Variants in TAX1BP1 observed in about 807,000 individuals in gnomAD.
TAX1BP1 encodes Tax1 binding protein 1.
TAX1BP1 carries 62 observed loss-of-function variants against 97.7 expected under a neutral mutation model. The observed-to-expected ratio is 0.63, with a 90% confidence interval of 0.52 to 0.78. The LOEUF is 0.78. Among genes scored for constraint, TAX1BP1 ranks in the 30% least tolerant of loss-of-function variants. The pLI is 0.00. For synonymous variants in TAX1BP1, 340 were observed against 304.2 expected, an observed-to-expected ratio of 1.12 and a Z score of -1.23; for missense variants, 867 against 916.1, an observed-to-expected ratio of 0.95 and a Z score of 0.69.
At chr7:27,746,178 A>C (rs1419555891) in intron 1 of TAX1BP1, among the ~76,000 whole-genome samples, 1 of 152,188 alleles carries the variant, frequency 6.6e-6, no homozygotes, top group Non-Finnish European at 1.5e-5. Context: ...CTTTTGATTA[A>C]AAACATGGGA....
At chr7:27,790,163 AT>A (rs1001075866) in intron 8 of TAX1BP1, among the ~76,000 whole-genome samples, 2 of 152,062 alleles carry the variant, frequency 1.3e-5, no homozygotes, top group African/African-American at 2.4e-5. Context: ...GAATTTATAC[AT>A]TTTTTCCTTT....
intron 2 of TAX1BP1, among the ~76,000 whole-genome samples, chr7:27,756,303 G>A (rs1434464064): frequency 6.6e-6 from 1 of 152,034 alleles, no homozygotes; most frequent in African/African-American, 2.4e-5. Flanking sequence ...TATTTTTTAT[G>A]TATGCCCAAC....
intron 12 of TAX1BP1, among the ~76,000 whole-genome samples, chr7:27,797,052 C>T (rs192103023): frequency 6.6e-6 from 1 of 151,114 alleles, no homozygotes; most frequent in Non-Finnish European, 1.5e-5. Context: ...GGCTGGATTG[C>T]AGTGGCGTGA....
At chr7:27,765,315 G>A (rs1241517471) in intron 3 of TAX1BP1, among the ~76,000 whole-genome samples, 5 of 151,778 alleles carry the variant, frequency 3.3e-5, no homozygotes, top group Non-Finnish European at 5.9e-5. Flanking sequence ...CCACCGCACT[G>A]GGTCCTAAAG....
At chr7:27,817,357 T>TA (rs1790814316) in intron 15 of TAX1BP1, among the ~76,000 whole-genome samples, 1 of 152,348 alleles carries the variant, frequency 6.6e-6, no homozygotes, top group African/African-American at 2.4e-5. Context: ...CTAAGTAACT[T>TA]ACTATATTCT....
rs1263228985 is a variant in TAX1BP1, at chr7:27,817,398, A to T, written c.2085+360A>T. Among the ~76,000 whole-genome samples, 6 of 152,336 alleles carry T rather than the reference A, an allele frequency of 3.9e-5. No individual in the cohort carries two copies. In the East Asian group the frequency reaches 1.2e-3, roughly 29 times the overall value. On this transcript the variant is annotated intron_variant, in intron 15 of 16. Coordinates refer to ENST00000396319, the MANE Select transcript of TAX1BP1 (RefSeq NM_006024.7). ...TTATAGATGTTAGGCTTGAAGCAGC[A>T]AAGTGTTAATGGCAGTGTTATGCTT...
At chr7:27,819,387 A>C (rs1041074415) in intron 15 of TAX1BP1, among the ~76,000 whole-genome samples, 1 of 152,172 alleles carries the variant, frequency 6.6e-6, no homozygotes, top group Admixed American at 6.5e-5. Context: ...CTCAAGCCTT[A>C]GAATCAGATT....
At chr7:27,811,363 T>C (rs911245672) in intron 13 of TAX1BP1, among the ~76,000 whole-genome samples, 1 of 152,230 alleles carries the variant, frequency 6.6e-6, no homozygotes, top group Non-Finnish European at 1.5e-5. Flanking sequence ...CAAACCTAAG[T>C]TGACTTGCAT....
intron 13 of TAX1BP1, among the ~76,000 whole-genome samples, chr7:27,803,684 A>G (rs1352194621): frequency 7.1e-6 from 1 of 140,092 alleles, no homozygotes; most frequent in Non-Finnish European, 1.5e-5. Flanking sequence ...CACAGTAGAG[A>G]AAAAAAAAGC....
At chr7:27,761,133 A>G (rs116762382) in intron 3 of TAX1BP1, among the ~76,000 whole-genome samples, 1,774 of 152,312 alleles carry the variant, frequency 0.012, 31 homozygotes, top group African/African-American at 0.038. Flanking sequence ...TAAAATAACT[A>G]GGCTCAGATT....
intron 8 of TAX1BP1, among the ~76,000 whole-genome samples, chr7:27,787,934 G>A (rs1003648344): frequency 2.0e-5 from 3 of 151,934 alleles, no homozygotes; most frequent in African/African-American, 7.2e-5. Flanking sequence ...TAAGAATTTA[G>A]CACTGATTGA....
In TAX1BP1 at chr7:27,792,123, A is replaced by T. The variant is rs1362789520; in HGVS notation, c.1156A>T (p.Arg386Ter). 1 of 1,614,114 alleles carries T rather than the reference A, an allele frequency of 6.2e-7. No individual in the cohort carries two copies. Residue 386 changes from arginine (R) to a stop codon, truncating the protein, a stop_gained, in exon 9 of 17, where the codon AGA (arginine) becomes TGA (stop). Coordinates refer to ENST00000396319, the MANE Select transcript of TAX1BP1 (RefSeq NM_006024.7). LOFTEE classifies it high-confidence loss of function. ...ELSDAVNVRD[R>*]TMADLHTARL... is the part of the protein sequence containing the mutation. The stretch of plus-strand genomic sequence containing the variant: ...CAGTGATGCTGTCAACGTACGAGAC[A>T]GAACGATGGCAGACCTGCATACTGC...
intron 8 of TAX1BP1, 42 bp from the exon 9 acceptor site, chr7:27,791,964 T>C: frequency 6.3e-7 from 1 of 1,584,842 alleles, no homozygotes; most frequent in East Asian, 2.2e-5. Flanking sequence ...TGTTTTTTAC[T>C]TGAGTGGTTG....
At chr7:27,751,904 C>T (rs1788035272) in intron 2 of TAX1BP1, among the ~76,000 whole-genome samples, 1 of 152,138 alleles carries the variant, frequency 6.6e-6, no homozygotes, top group Non-Finnish European at 1.5e-5. Flanking sequence ...CCACCCGCCT[C>T]AGCCTAAATA....
chr7:27,762,064 T>C (rs1018275351), intron 3 of TAX1BP1, among the ~76,000 whole-genome samples: 2 of 152,214 alleles, frequency 1.3e-5, no homozygotes, highest in African/African-American at 4.8e-5. Flanking sequence ...GAATTTTGCA[T>C]ATGTTTGGTC....
chr7:27,820,603 A>C (rs1004522029), intron 15 of TAX1BP1, among the ~76,000 whole-genome samples: 1 of 152,196 alleles, frequency 6.6e-6, no homozygotes, highest in Admixed American at 6.6e-5. Flanking sequence ...AAGACAATTC[A>C]AGAGGAAAAG....
chr7:27,774,216 C>CT (rs1315717729), intron 5 of TAX1BP1, among the ~76,000 whole-genome samples: 15 of 152,182 alleles, frequency 9.9e-5, no homozygotes, highest in African/African-American at 3.6e-4. Flanking sequence ...ATCTTTTTGG[C>CT]TGTTTCTTCT....
intron 10 of TAX1BP1, among the ~76,000 whole-genome samples, chr7:27,793,659 A>G (rs1258529504): frequency 6.6e-6 from 1 of 152,160 alleles, no homozygotes; most frequent in Non-Finnish European, 1.5e-5. Context: ...AGGAACAGTT[A>G]AAGAGTGTTA....
chr7:27,809,319 C>T (rs2128322922), intron 13 of TAX1BP1, among the ~76,000 whole-genome samples: 1 of 152,318 alleles, frequency 6.6e-6, no homozygotes, highest in African/African-American at 2.4e-5. Context: ...TGTTTGATCT[C>T]TGTAGGTGGC....
Sources: gnomAD v4.1 joint callset for allele counts (sites outside exome capture counted in the v4.1 genomes callset) on GRCh38, gnomAD v4.1.1 for gene constraint, MANE v1.5 for transcripts, NCBI Gene and HGNC (gene_info 2026-07-23, HGNC 2026-07-21) for gene names.